Variants in MTUS1 observed in about 807,000 individuals in gnomAD.
MTUS1 encodes microtubule-associated tumor suppressor 1.
MTUS1 carries 109 observed loss-of-function variants against 120.8 expected under a neutral mutation model. That is an observed-to-expected ratio of 0.90 (90% CI 0.77 to 1.06). The LOEUF (loss-of-function observed/expected upper bound fraction) is 1.06, where lower values mean the gene tolerates loss of function less well. MTUS1 is among the 50% of genes least tolerant of loss of function. The probability of loss-of-function intolerance (pLI) is 0.00; values close to 1 mark genes in which losing one functional copy is unlikely to be tolerated. For synonymous variants in MTUS1, 737 were observed against 550.5 expected (o/e 1.34, Z -4.74); for missense variants, 2,210 against 1,486.3 (o/e 1.49, Z -8.01).
chr8:17,677,803 T>C (rs996259095), intron 7 of MTUS1, among the ~76,000 whole-genome samples: 8 of 152,204 alleles, frequency 5.3e-5, no homozygotes, highest in Non-Finnish European at 1.2e-4. Flanking sequence ...GGTTCTTCCC[T>C]TGTAATGTGA....
intron 7 of MTUS1, chr8:17,676,133 T>C (rs1168471950): frequency 1.6e-6 from 1 of 635,616 alleles, no homozygotes; most frequent in Non-Finnish European, 2.9e-6. Context: ...CACATCCTGA[T>C]CACAGCGTTG....
rs6586636 is a variant in MTUS1 at position 17,725,585 on chromosome 8, T to C, written c.2288-1752A>G. ...CCTTTATATCATTGTCTAAACTGTA[T>C]TGGACTCCTAAAATCCTGTCCTTCC... On this transcript the variant is annotated intron_variant, in intron 3 of 14. Transcript: ENST00000693296. Among the ~76,000 whole-genome samples, 1,419 of 152,318 alleles carry C rather than the reference T, an allele frequency of 9.3e-3. 17 individuals are homozygous for C. The highest frequency in any genetic ancestry group is 0.033 in the African/African-American group (1,363 of 41,568).
rs1502147 is a variant in MTUS1, at chr8:17,782,283, C to G, written c.-155+18778G>C. 5.8e-3 allele frequency among the ~76,000 whole-genome samples: 885 copies of G among 152,204 alleles called. 15 individuals carry two copies. Among genetic ancestry groups the G allele is most frequent in the African/African-American group, 0.02 (850 of 41,542 alleles). On this transcript the variant is annotated intron_variant, in intron 1 of 14. Coordinates refer to ENST00000693296, the MANE Select transcript of MTUS1 (RefSeq NM_001363059.2). ...TGTTAGTCACTTTTCAAAAAAAGCACAGCATACCAAGATGATGTAGTAAGT... is the reference window on the plus strand; with the variant it reads ...TGTTAGTCACTTTTCAAAAAAAGCAGAGCATACCAAGATGATGTAGTAAGT...
intron 6 of MTUS1, among the ~76,000 whole-genome samples, chr8:17,688,406 C>G: frequency 6.6e-6 from 1 of 152,160 alleles, no homozygotes; most frequent in East Asian, 1.9e-4. Flanking sequence ...AAATCTCAAC[C>G]TATCTGTAAA....
intron 5 of MTUS1, 118 bp downstream of exon 5, chr8:17,715,649 A>G: frequency 9.3e-7 from 1 of 1,070,258 alleles, no homozygotes; most frequent in Non-Finnish European, 1.3e-6. Context: ...TCCTTTCTCA[A>G]CATATTTGTA....
chr8:17,712,978 A>G (rs183378509), intron 6 of MTUS1, among the ~76,000 whole-genome samples: 2 of 152,316 alleles, frequency 1.3e-5, no homozygotes, highest in African/African-American at 2.4e-5. Context: ...TAACAAAATC[A>G]TTTTTTAAAA....
intron 12 of MTUS1, 46 bp downstream of exon 12, chr8:17,653,140 C>A (rs990742593): frequency 8.6e-7 from 1 of 1,162,112 alleles, no homozygotes; most frequent in Non-Finnish European, 1.2e-6. Context: ...TAAAAGGCAA[C>A]TGAGAAGAAA....
At chr8:17,655,832 T>A in intron 9 of MTUS1, 31 bp downstream of exon 9, 3 of 1,606,882 alleles carry the variant, frequency 1.9e-6, no homozygotes, top group Non-Finnish European at 2.6e-6. Context: ...AGCAGAGGCC[T>A]CAGACAAGCT....
At chr8:17,687,869 A>G (rs556929400) in intron 6 of MTUS1, among the ~76,000 whole-genome samples, 58 of 152,338 alleles carry the variant, frequency 3.8e-4, no homozygotes, top group African/African-American at 1.4e-3. Flanking sequence ...CATCTTCTTA[A>G]AGAAAGTAGT....
At position 17,644,843 on chromosome 8, in the gene MTUS1, G is replaced by A. The variant is rs1373007400; in HGVS notation, c.*1083C>T. 1 of 151,978 alleles carries A rather than the reference G, an allele frequency of 6.6e-6. No individual in the cohort carries two copies. Among genetic ancestry groups the A allele is most frequent in the Admixed American group, 6.5e-5 (1 of 15,274 alleles). The allele number at this position is 151,978 out of a possible 1,614,324, so 9.4% of individuals were successfully genotyped here. On this transcript the variant is annotated 3_prime_UTR_variant, in exon 15 of 15. Transcript: ENST00000693296. The stretch of plus-strand genomic sequence containing the variant: ...AGCACCTGGAAGATGAGCTGGCTCT[G>A]GGGCTCTGGAAAATCATATTCCTTT...
At chr8:17,730,780 T>C (rs966071570) in intron 3 of MTUS1, among the ~76,000 whole-genome samples, 2 of 152,140 alleles carry the variant, frequency 1.3e-5, no homozygotes, top group Admixed American at 6.5e-5. Flanking sequence ...CAAATGCATA[T>C]AGACAGAACA....
chr8:17,715,629 G>T, intron 5 of MTUS1, 138 bp downstream of exon 5: 3 of 937,076 alleles, frequency 3.2e-6, no homozygotes, highest in Non-Finnish European at 4.7e-6. Flanking sequence ...GTGCAAAAAT[G>T]TATTATATCT....
chr8:17,727,219 T>C (rs1194252624), intron 3 of MTUS1, among the ~76,000 whole-genome samples: 1 of 152,214 alleles, frequency 6.6e-6, no homozygotes, highest in Non-Finnish European at 1.5e-5. Flanking sequence ...GATTAGTTTC[T>C]TTGATAGAAT....
intron 9 of MTUS1, 129 bp downstream of exon 9, chr8:17,655,734 T>C: frequency 2.4e-6 from 2 of 821,170 alleles, no homozygotes; most frequent in Non-Finnish European, 3.9e-6. Flanking sequence ...CTGTCTTAAA[T>C]AAACAACAAC....
intron 1 of MTUS1, among the ~76,000 whole-genome samples, chr8:17,776,616 T>C (rs965048637): frequency 2.3e-5 from 3 of 132,650 alleles, no homozygotes; most frequent in African/African-American, 5.7e-5. Context: ...GAGGTGGAGG[T>C]TGTAGTGAGG....
intron 3 of MTUS1, among the ~76,000 whole-genome samples, chr8:17,730,308 C>A (rs1033810198): frequency 6.6e-6 from 1 of 151,954 alleles, no homozygotes; most frequent in Admixed American, 6.6e-5. Flanking sequence ...ATGGTGAAAC[C>A]CCATCTCTAC....
At chr8:17,752,579 T>C (rs1322089358) in intron 2 of MTUS1, among the ~76,000 whole-genome samples, 1 of 152,178 alleles carries the variant, frequency 6.6e-6, no homozygotes, top group Non-Finnish European at 1.5e-5. Context: ...ATCTAGAATA[T>C]CTTCGGTCTT....
chr8:17,797,258 CAA>C (rs1247693357), intron 1 of MTUS1, among the ~76,000 whole-genome samples: 1 of 151,832 alleles, frequency 6.6e-6, no homozygotes, highest in African/African-American at 2.4e-5. Flanking sequence ...ACAAAAAATA[CAA>C]AAATTAGCCA....
intron 1 of MTUS1, among the ~76,000 whole-genome samples, chr8:17,798,758 A>C (rs953738661): frequency 6.6e-6 from 1 of 151,286 alleles, no homozygotes; most frequent in African/African-American, 2.5e-5. Flanking sequence ...TGTGTATGTC[A>C]AAACTACTGT....
Sources: allele counts gnomAD v4.1 joint callset (sites outside exome capture counted in the v4.1 genomes callset), GRCh38; gene constraint gnomAD v4.1.1; transcripts MANE v1.5; gene names NCBI Gene and HGNC (gene_info 2026-07-23, HGNC 2026-07-21).